Variants in GLUD2 observed in about 807,000 individuals in gnomAD.
GLUD2 encodes glutamate dehydrogenase 2, also known as glutamate dehydrogenase 2, mitochondrial.
In GLUD2, 11 loss-of-function variants were observed where a neutral mutation model predicts 16.2. The observed-to-expected ratio is 0.68, with a 90% confidence interval of 0.43 to 1.13. GLUD2 has a LOEUF of 1.13. Ranked by LOEUF, GLUD2 falls within the 50% of genes most tolerant of loss-of-function variation. The pLI is 0.00. For missense variants in GLUD2, 360 were observed against 456.4 expected, an observed-to-expected ratio of 0.79 and a Z score of 1.93; for synonymous variants, 147 against 181.9, an observed-to-expected ratio of 0.81 and a Z score of 1.55.
At position 121,048,155 on chromosome X, in the gene GLUD2, T is replaced by C. The variant is rs1293053692; in HGVS notation, c.471T>C (p.Ser157=). The C allele has an allele frequency of 8.3e-7, 1 of 1,211,065 alleles. No individual in the cohort carries two copies. The highest frequency in any genetic ancestry group is 2.2e-5 in the Admixed American group (1 of 46,009). ...GTATCCGTTACAGCACTGATGTGAG[T>C]GTAGATGAAGTAAAAGCTTTGGCTT... ...KGGIRYSTDV[S]VDEVKALASL... is the part of the protein sequence containing the mutation. The change falls in exon 1 of 1, where the codon AGT becomes AGC. Residue 157 remains serine (S), a synonymous_variant. Transcript: ENST00000328078.
rs200806780 is a variant in GLUD2 at position 121,048,809 on chromosome X, C to T, written c.1125C>T (p.Asp375=). The T allele has an allele frequency of 1.1e-5, 13 of 1,211,709 alleles. No individual in the cohort carries two copies. Among genetic ancestry groups the T allele is most frequent in the Admixed American group, 2.2e-5 (1 of 46,053 alleles). Residue 375 remains aspartate (D), a synonymous_variant, in exon 1 of 1, where the codon GAC becomes GAT. Transcript: ENST00000328078. ...ATGAAGGAAGCATCTTGGAGGTCGA[C>T]TGTGACATACTGATCCCAGCTGCCA... ...KPYEGSILEV[D]CDILIPAATE... is the part of the protein sequence containing the mutation.
Position 121,049,514 on chromosome X carries a change from G to T in GLUD2, c.*153G>T. The T allele has an allele frequency of 1.8e-6, 1 of 568,335 alleles. No homozygotes were observed. The highest frequency in any genetic ancestry group is 2.4e-5 in the Admixed American group (1 of 42,248). The allele number at this position is 568,335 out of a possible 1,213,427, so 46.8% of individuals were successfully genotyped here. On this transcript the variant is annotated 3_prime_UTR_variant, in exon 1 of 1. Coordinates refer to ENST00000328078, the MANE Select transcript of GLUD2 (RefSeq NM_012084.4). ...AAGTCAATCCAAATCAGCCCGTTAAGGAGAAAGAAATTAATATACAAGCTG... is the reference window on the plus strand; with the variant it reads ...AAGTCAATCCAAATCAGCCCGTTAATGAGAAAGAAATTAATATACAAGCTG...
At position 121,047,829 on chromosome X, in the gene GLUD2, G is replaced by T. The variant is rs148511290; in HGVS notation, c.145G>T (p.Ala49Ser). The T allele has an allele frequency of 2.5e-6, 3 of 1,209,138 alleles. No homozygotes were observed. The highest frequency in any genetic ancestry group is 3.5e-5 in the South Asian group (2 of 56,948). Residue 49 changes from alanine to serine, a missense_variant, in exon 1 of 1, where the codon GCC becomes TCC. Physicochemically the swap from Ala to Ser is moderately conservative, Grantham distance 99. Coordinates refer to ENST00000328078, the MANE Select transcript of GLUD2 (RefSeq NM_012084.4). Reference protein sequence around the residue: ...AASQPGLALAARRHYSELVAD... With the variant: ...AASQPGLALASRRHYSELVAD... The stretch of plus-strand genomic sequence containing the variant: ...CTCGCAGCCGGGGCTCGCATTGGCC[G>T]CCCGGCGCCACTACAGCGAGTTGGT...
Position 121,048,087 on chromosome X carries a change from T to C in GLUD2, c.403T>C (p.Tyr135His). 1 of 1,211,710 alleles carries C rather than the reference T, an allele frequency of 8.3e-7. No homozygotes were observed. The highest frequency in any genetic ancestry group is 1.1e-6 in the Non-Finnish European group (1 of 895,498). ...DDGSWEVIEG[Y>H]RAQHSQHRTP... ...CGGCTCCTGGGAGGTCATCGAAGGC[T>C]ACCGGGCCCAGCACAGCCAGCACCG... Residue 135 changes from tyrosine (Y) to histidine (H), a missense_variant, in exon 1 of 1, where the codon TAC becomes CAC. Coordinates refer to ENST00000328078, the MANE Select transcript of GLUD2 (RefSeq NM_012084.4).
In GLUD2 at chrX:121,047,646, G is replaced by A. The variant is rs757354294; in HGVS notation, c.-39G>A. The A allele has an allele frequency of 3.7e-5, 35 of 944,539 alleles. No individual in the cohort carries two copies. The highest frequency in any genetic ancestry group is 4.0e-5 in the East Asian group (1 of 24,771). The allele number at this position is 944,539 out of a possible 1,213,427, so 77.8% of individuals were successfully genotyped here. A position where few individuals can be genotyped will look rare whatever the true frequency, so the allele number is the denominator to read the frequency against. ...GCGGGGAGTCTGAGAAAGCGCACCT[G>A]TTCCGCGACCGTCACGCACCCCTCC... On this transcript the variant is annotated 5_prime_UTR_variant, in exon 1 of 1. Coordinates refer to ENST00000328078, the MANE Select transcript of GLUD2 (RefSeq NM_012084.4).
In GLUD2 at chrX:121,048,593, A is replaced by T; in HGVS notation, c.909A>T (p.Thr303=). 8.3e-7 allele frequency: 1 copy of T among 1,211,771 alleles called. No individual in the cohort carries two copies. Reference sequence around the variant, plus strand: ...TGACACCAGGGTTTAGAGATAAAACATTTGTTGTTCAGGGATTTGGTAATG... The same window carrying T: ...TGACACCAGGGTTTAGAGATAAAACTTTTGTTGTTCAGGGATTTGGTAATG... The part of the protein sequence containing the change: ...LGMTPGFRDK[T]FVVQGFGNVG... The change falls in exon 1 of 1, where the codon ACA becomes ACT. Residue 303 remains threonine (T), a synonymous_variant. Transcript: ENST00000328078.
In GLUD2 at chrX:121,048,365, C is replaced by T; in HGVS notation, c.681C>T (p.Asn227=). ...PGVDVPAPDM[N]TGEREMSWIA... ...TTGATGTGCCTGCTCCAGACATGAA[C>T]ACAGGTGAGCGGGAGATGTCCTGGA... The change falls in exon 1 of 1, where the codon AAC becomes AAT. Residue 227 remains asparagine, a synonymous_variant. Coordinates refer to ENST00000328078, the MANE Select transcript of GLUD2 (RefSeq NM_012084.4). 2 of 1,211,717 alleles carry T rather than the reference C, an allele frequency of 1.7e-6. No homozygotes were observed. Among genetic ancestry groups the T allele is most frequent in the Non-Finnish European group, 2.2e-6 (2 of 895,507 alleles).
rs749911555 is a variant in GLUD2 at position 121,048,198 on chromosome X, T to C, written c.514T>C (p.Cys172Arg). Residue 172 changes from cysteine (C) to arginine (R), a missense_variant, in exon 1 of 1, where the codon TGT becomes CGT. This residue lies in a region of GLUD2 where 279 missense variants were observed against 352.9 expected (regional missense o/e 0.79). Transcript: ENST00000328078. ...KALASLMTYKCAVVDVPFGGA... is the reference protein window; with the variant it reads ...KALASLMTYKRAVVDVPFGGA... ...TTTGGCTTCTCTGATGACATACAAG[T>C]GTGCAGTGGTTGATGTGCCGTTTGG... 9.1e-6 allele frequency: 11 copies of C among 1,210,147 alleles called. No individual in the cohort carries two copies. In the South Asian group the frequency reaches 1.8e-4, roughly 19 times the overall value.
In GLUD2 at chrX:121,049,576, T is replaced by C. The variant is rs1925460548; in HGVS notation, c.*215T>C. 2.2e-6 allele frequency: 1 copy of C among 459,672 alleles called. No homozygotes were observed. Among genetic ancestry groups the C allele is most frequent in the South Asian group, 3.3e-5 (1 of 30,462 alleles). 37.9% of individuals were successfully genotyped at this position (459,672 alleles called of 1,213,427 possible). ...AGAAATCACCTACACCAGAGAGCTA[T>C]TTTGGTATTTTGCCTTTAAATAAAA... On this transcript the variant is annotated 3_prime_UTR_variant, in exon 1 of 1. Transcript: ENST00000328078.
chrX:121,049,727 G>A lies in GLUD2; in HGVS notation c.*366G>A, dbSNP rs1925464077. 1 of 247,047 alleles carries A rather than the reference G, an allele frequency of 4.0e-6. No homozygotes were observed. 20.4% of individuals were successfully genotyped at this position (247,047 alleles called of 1,213,427 possible). A position where few individuals can be genotyped will look rare whatever the true frequency, so the allele number is the denominator to read the frequency against. On this transcript the variant is annotated 3_prime_UTR_variant, in exon 1 of 1. Transcript: ENST00000328078. Reference sequence around the variant, plus strand: ...CTTATTTTGCTCTGGATGAGTCTGGGACACGCTGTAACTTTAACACATTTA... The same window carrying A: ...CTTATTTTGCTCTGGATGAGTCTGGAACACGCTGTAACTTTAACACATTTA...
At position 121,049,102 on chromosome X, in the gene GLUD2, G is replaced by A. The variant is rs1335143183; in HGVS notation, c.1418G>A (p.Ser473Asn). 1.7e-6 allele frequency: 2 copies of A among 1,212,039 alleles called. No homozygotes were observed. The highest frequency in any genetic ancestry group is 2.2e-6 in the Non-Finnish European group (2 of 895,560). Residue 473 changes from serine (S) to asparagine (N), a missense_variant, in exon 1 of 1, where the codon AGT becomes AAT. Ser to Asn is a conservative substitution (Grantham distance 46, BLOSUM62 1). This residue lies in a region of GLUD2 where 279 missense variants were observed against 352.9 expected (regional missense o/e 0.79). Coordinates refer to ENST00000328078, the MANE Select transcript of GLUD2 (RefSeq NM_012084.4). ...NYHLLLSVQE[S>N]LERKFGKHGG... The stretch of plus-strand genomic sequence containing the variant: ...CACTTGCTCCTGTCTGTTCAAGAGA[G>A]TTTAGAAAGAAAATTTGGAAAGCAT...
In GLUD2 at chrX:121,047,915, C is replaced by A. The variant is rs1860599763; in HGVS notation, c.231C>A (p.Gly77=). ...TGGTGGAGGGCTTCTTCGATCGCGGCGCCAGCATCGTGGAGGACAAGTTGG... is the reference window on the plus strand; with the variant it reads ...TGGTGGAGGGCTTCTTCGATCGCGGAGCCAGCATCGTGGAGGACAAGTTGG... The part of the protein sequence containing the change: ...FKMVEGFFDR[G]ASIVEDKLVK... The change falls in exon 1 of 1, where the codon GGC becomes GGA. Residue 77 remains glycine, a synonymous_variant. Coordinates refer to ENST00000328078, the MANE Select transcript of GLUD2 (RefSeq NM_012084.4). The A allele has an allele frequency of 8.3e-7, 1 of 1,209,657 alleles. No homozygotes were observed. The highest frequency in any genetic ancestry group is 1.1e-6 in the Non-Finnish European group (1 of 895,271).
chrX:121,048,394 C>A lies in GLUD2; in HGVS notation c.710C>A (p.Ala237Asp). 8.3e-7 allele frequency: 1 copy of A among 1,211,559 alleles called. No individual in the cohort carries two copies. Among genetic ancestry groups the A allele is most frequent in the Non-Finnish European group, 1.1e-6 (1 of 895,418 alleles). The change falls in exon 1 of 1, where the codon GCT (alanine) becomes GAT (aspartate). Residue 237 changes from alanine to aspartate, a missense_variant. Transcript: ENST00000328078. ...GGTGAGCGGGAGATGTCCTGGATTG[C>A]TGATACCTATGCCAGCACCATAGGG... is the stretch of plus-strand genomic sequence containing the variant. ...NTGEREMSWI[A>D]DTYASTIGHY...
Position 121,048,691 on chromosome X carries a change from G to A in GLUD2, c.1007G>A (p.Ser336Asn). The A allele has an allele frequency of 8.3e-7, 1 of 1,211,532 alleles. No individual in the cohort carries two copies. Among genetic ancestry groups the A allele is most frequent in the Non-Finnish European group, 1.1e-6 (1 of 895,187 alleles). The change falls in exon 1 of 1, where the codon AGT becomes AAT. Residue 336 changes from serine (S) to asparagine (N), a missense_variant. Transcript: ENST00000328078. Reference sequence around the variant, plus strand: ...ATTGCTGTTGGTGAGTCTGATGGGAGTATATGGAATCCAGATGGTATTGAC... The same window carrying A: ...ATTGCTGTTGGTGAGTCTGATGGGAATATATGGAATCCAGATGGTATTGAC... ...KCIAVGESDG[S>N]IWNPDGIDPK... is the part of the protein sequence containing the mutation.
rs201575340 is a variant in GLUD2, at chrX:121,048,245, G to A, written c.561G>A (p.Lys187=). 7.8e-5 allele frequency: 94 copies of A among 1,210,138 alleles called. No homozygotes were observed. Among genetic ancestry groups the A allele is most frequent in the Non-Finnish European group, 1.9e-5 (17 of 895,240 alleles). The change falls in exon 1 of 1, where the codon AAG becomes AAA. Residue 187 remains lysine, a synonymous_variant. Transcript: ENST00000328078. ...TTGGGGGTGCTAAAGCTGGTGTTAA[G>A]ATCAATCCCAAGAACTATACCGAAA... The part of the protein sequence containing the change: ...VPFGGAKAGV[K]INPKNYTENE...
rs202048174 is a variant in GLUD2, at chrX:121,048,571, C to T, written c.887C>T (p.Thr296Ile). Residue 296 changes from threonine to isoleucine, a missense_variant, in exon 1 of 1, where the codon ACA (threonine) becomes ATA (isoleucine). Thr to Ile is a moderately conservative substitution (Grantham distance 89). This residue lies in a region of GLUD2 where 279 missense variants were observed against 352.9 expected (regional missense o/e 0.79). Coordinates refer to ENST00000328078, the MANE Select transcript of GLUD2 (RefSeq NM_012084.4). ...TCTTACATGAGCATTTTAGGAATGACACCAGGGTTTAGAGATAAAACATTT... is the reference window on the plus strand; with the variant it reads ...TCTTACATGAGCATTTTAGGAATGATACCAGGGTTTAGAGATAAAACATTT... Reference protein sequence around the residue: ...EASYMSILGMTPGFRDKTFVV... With the variant: ...EASYMSILGMIPGFRDKTFVV... The T allele has an allele frequency of 3.9e-5, 47 of 1,210,320 alleles. No individual in the cohort carries two copies. Among genetic ancestry groups the T allele is most frequent in the Admixed American group, 1.5e-4 (7 of 45,888 alleles).
rs1925370776 is a variant in GLUD2, at chrX:121,047,620, C to A, written c.-65C>A. ...CCGCGCCGGACCCTTCCTTCCTAGT[C>A]GCGGGGAGTCTGAGAAAGCGCACCT... On this transcript the variant is annotated 5_prime_UTR_variant, in exon 1 of 1. Transcript: ENST00000328078. The A allele has an allele frequency of 4.0e-6, 3 of 749,145 alleles. No homozygotes were observed. The highest frequency in any genetic ancestry group is 3.5e-6 in the Non-Finnish European group (2 of 565,943). 61.7% of individuals were successfully genotyped at this position (749,145 alleles called of 1,213,427 possible).
chrX:121,047,869 A>G lies in GLUD2; in HGVS notation c.185A>G (p.Asp62Gly), dbSNP rs1288284992. 1 of 1,208,710 alleles carries G rather than the reference A, an allele frequency of 8.3e-7. No homozygotes were observed. Among genetic ancestry groups the G allele is most frequent in the African/African-American group, 1.7e-5 (1 of 57,338 alleles). ...HYSELVADRE[D>G]DPNFFKMVEG... ...AGCGAGTTGGTGGCCGACCGCGAGG[A>G]CGACCCCAACTTCTTCAAGATGGTG... Residue 62 changes from aspartate to glycine, a missense_variant, in exon 1 of 1, where the codon GAC becomes GGC. Asp to Gly is a moderately conservative substitution (Grantham distance 94). Around this residue, in one of 3 missense-constraint regions of GLUD2, gnomAD observed 23 missense variants for 53.7 expected, o/e 0.43. Coordinates refer to ENST00000328078, the MANE Select transcript of GLUD2 (RefSeq NM_012084.4).
rs9697983 is a variant in GLUD2, at chrX:121,049,176, T to G, written c.1492T>G (p.Ser498Ala). Reference protein sequence around the residue: ...VPTAEFQDSISGASEKDIVHS... With the variant: ...VPTAEFQDSIAGASEKDIVHS... ...CACGGCAGAGTTCCAAGACAGTATA[T>G]CGGGTGCATCTGAGAAAGACATTGT... Residue 498 changes from serine (S) to alanine (A), a missense_variant, in exon 1 of 1, where the codon TCG (serine) becomes GCG (alanine). Ser to Ala is a moderately conservative substitution (Grantham distance 99). Transcript: ENST00000328078. 0.026 allele frequency: 31,683 copies of G among 1,210,351 alleles called. 346 individuals carry two copies. Among genetic ancestry groups the G allele is most frequent in the African/African-American group, 0.053 (3,010 of 57,291 alleles).
Sources: gnomAD v4.1 joint callset for allele counts on GRCh38, gnomAD v4.1.1 for gene constraint, gnomAD v4.1.1 regional missense constraint, MANE v1.5 for transcripts, NCBI Gene and HGNC (gene_info 2026-07-23, HGNC 2026-07-21) for gene names.